MAP3K5: variants seen among roughly 807,000 people sequenced by gnomAD.
The protein encoded by MAP3K5 is ASK-1.
A neutral mutation model predicts 158.7 loss-of-function variants in MAP3K5; 56 were observed. That is an observed-to-expected ratio of 0.35 (90% confidence interval 0.28 to 0.44). The LOEUF (loss-of-function observed/expected upper bound fraction) is 0.44. Ranked by LOEUF, MAP3K5 falls within the 20% of genes least tolerant of loss-of-function variation. MAP3K5 has a pLI of 1.00. For synonymous variants in MAP3K5, 579 were observed against 601.7 expected (o/e 0.96, Z 0.55); for missense variants, 1,294 against 1,674.8 (o/e 0.77, Z 3.97).
chr6:136,727,885 C>T (rs1234623917), intron 1 of MAP3K5, among the ~76,000 whole-genome samples: 1 of 151,966 alleles, frequency 6.6e-6, no homozygotes, highest in Non-Finnish European at 1.5e-5. Flanking sequence ...TGGGGTGAAC[C>T]CAGGAGGCGC....
At chr6:136,635,186 C>G (rs548666105) in intron 14 of MAP3K5, among the ~76,000 whole-genome samples, 1 of 149,168 alleles carries the variant, frequency 6.7e-6, no homozygotes, top group African/African-American at 2.5e-5. Context: ...CATGAATTTT[C>G]CAGTCATCCC....
At chr6:136,592,374 C>T (rs1267541638) in intron 22 of MAP3K5, 33 bp from the exon 23 acceptor site, 1 of 1,595,294 alleles carries the variant, frequency 6.3e-7, no homozygotes. Context: ...AATCACAGTT[C>T]CCTTTATAAA....
chr6:136,592,924 T>C (rs1775460671), intron 21 of MAP3K5: 1 of 420,340 alleles, frequency 2.4e-6, no homozygotes, highest in South Asian at 1.8e-5. Flanking sequence ...TACTGACTAC[T>C]AATTATTTCT....
In MAP3K5 at chr6:136,613,938, C is replaced by A; in HGVS notation, c.2278+221G>T. Among the ~76,000 whole-genome samples, 1 of 152,034 alleles carries A rather than the reference C, an allele frequency of 6.6e-6. No individual in the cohort carries two copies. Among genetic ancestry groups the A allele is most frequent in the East Asian group, 1.9e-4 (1 of 5,188 alleles). On this transcript the variant is annotated intron_variant, in intron 16 of 29. Transcript: ENST00000359015. This position sits in a 1 kb window ranked among gnomAD's most constrained non-coding sequence, Gnocchi z 4.0. ...GAGTCTGTGTTTCCTGGGTGGCTAT[C>A]CTCAAGCTTTGCACTGGAATAAACT...
chr6:136,697,444 A>G, intron 4 of MAP3K5, 57 bp from the exon 5 acceptor site: 1 of 1,416,108 alleles, frequency 7.1e-7, no homozygotes, highest in Non-Finnish European at 9.7e-7. Context: ...TTCAATGAAA[A>G]GCAATAATTT....
Position 136,783,548 on chromosome 6 carries a change from T to C in MAP3K5, c.448+8162A>G, listed in dbSNP as rs144602048. Among the ~76,000 whole-genome samples the C allele has an allele frequency of 3.9e-5, 6 of 152,266 alleles. No homozygotes were observed. The East Asian group carries it at 9.7e-4, about 24-fold the overall frequency. ...TTCCCAGTTTCTTCTGATAACCACATAGCTGTGGGTTCCTGCAACACTGCC... is the reference window on the plus strand; with the variant it reads ...TTCCCAGTTTCTTCTGATAACCACACAGCTGTGGGTTCCTGCAACACTGCC... On this transcript the variant is annotated intron_variant, in intron 1 of 29. Transcript: ENST00000359015.
chr6:136,558,239 C>T (rs1374781991), intron 29 of MAP3K5, among the ~76,000 whole-genome samples: 2 of 151,974 alleles, frequency 1.3e-5, no homozygotes, highest in East Asian at 3.9e-4. Flanking sequence ...ATTAGCTGGG[C>T]GTGGTGGTGG....
At chr6:136,748,875 G>A (rs985671808) in intron 1 of MAP3K5, among the ~76,000 whole-genome samples, 2 of 152,164 alleles carry the variant, frequency 1.3e-5, no homozygotes, top group Non-Finnish European at 2.9e-5. Context: ...AACTGCATAG[G>A]CAATTCATTT....
At chr6:136,620,983 A>T (rs1012083989) in intron 15 of MAP3K5, among the ~76,000 whole-genome samples, 1 of 152,182 alleles carries the variant, frequency 6.6e-6, no homozygotes, top group Non-Finnish European at 1.5e-5. Context: ...TCACTATGTG[A>T]GATTCAACTC....
At chr6:136,787,252 C>T (rs1282102772) in intron 1 of MAP3K5, among the ~76,000 whole-genome samples, 3 of 152,148 alleles carry the variant, frequency 2.0e-5, no homozygotes, top group Non-Finnish European at 4.4e-5. Flanking sequence ...CCCTTGAACC[C>T]ACTGTATCCT....
At chr6:136,557,930 A>C in intron 29 of MAP3K5, 112 bp from the exon 30 acceptor site, 1 of 758,788 alleles carries the variant, frequency 1.3e-6, no homozygotes, top group Non-Finnish European at 2.4e-6. Flanking sequence ...AGAAGATCCC[A>C]AAGTCTGATC....
intron 8 of MAP3K5, among the ~76,000 whole-genome samples, chr6:136,663,203 C>T (rs1214970216): frequency 1.3e-5 from 2 of 152,112 alleles, no homozygotes; most frequent in Non-Finnish European, 2.9e-5. Flanking sequence ...AAGCCATACA[C>T]CTTATAAGTG....
intron 1 of MAP3K5, among the ~76,000 whole-genome samples, chr6:136,729,418 A>G (rs1213349691): frequency 6.6e-6 from 1 of 152,236 alleles, no homozygotes; most frequent in Non-Finnish European, 1.5e-5. Context: ...AAACTGCTAT[A>G]AGGATTACAT....
intron 15 of MAP3K5, among the ~76,000 whole-genome samples, chr6:136,619,442 G>C (rs1424631685): frequency 6.6e-6 from 1 of 152,162 alleles, no homozygotes; most frequent in Non-Finnish European, 1.5e-5. Flanking sequence ...TTATTTCTTA[G>C]AGCAGTTCGT....
intron 25 of MAP3K5, among the ~76,000 whole-genome samples, chr6:136,575,127 A>G (rs1021666832): frequency 2.0e-5 from 3 of 151,534 alleles, no homozygotes; most frequent in Non-Finnish European, 4.4e-5. Context: ...TGGCACTATT[A>G]TCAAAACCAG....
intron 14 of MAP3K5, among the ~76,000 whole-genome samples, chr6:136,623,920 T>C (rs1470498593): frequency 6.6e-6 from 1 of 152,148 alleles, no homozygotes; most frequent in East Asian, 1.9e-4. Flanking sequence ...TGGCCAGGTG[T>C]GGTGGCTCAT....
At chr6:136,743,307 G>A (rs889027443) in intron 1 of MAP3K5, among the ~76,000 whole-genome samples, 4 of 151,968 alleles carry the variant, frequency 2.6e-5, no homozygotes, top group Non-Finnish European at 4.4e-5. Context: ...AAAATTAGCC[G>A]GGCATGGTGG....
At chr6:136,715,839 T>G (rs964659310) in intron 2 of MAP3K5, among the ~76,000 whole-genome samples, 18 of 151,926 alleles carry the variant, frequency 1.2e-4, no homozygotes, top group African/African-American at 4.3e-4. Context: ...GATATCAGCC[T>G]GGCCAACATG....
rs1781280409 is a variant in MAP3K5 at position 136,710,926 on chromosome 6, C to G, written c.589-5793G>C. Among the ~76,000 whole-genome samples, 12 of 152,112 alleles carry G rather than the reference C, an allele frequency of 7.9e-5. No homozygotes were observed. In the South Asian group the frequency reaches 2.5e-3, roughly 32 times the overall value. The stretch of plus-strand genomic sequence containing the variant: ...ACTCCTCAGCTCCATCTTCTTAACT[C>G]ATTTCAATGTGTCAAAAAAGCAAAA... On this transcript the variant is annotated intron_variant, in intron 2 of 29. Transcript: ENST00000359015.
Sources: allele counts gnomAD v4.1 joint callset (sites outside exome capture counted in the v4.1 genomes callset), GRCh38; gene constraint gnomAD v4.1.1; non-coding constraint Gnocchi (gnomAD v3.1); transcripts MANE v1.5; gene names NCBI Gene and HGNC (gene_info 2026-07-23, HGNC 2026-07-21).